Variants in DRC9 observed in about 807,000 individuals in gnomAD.
DRC9 encodes dynein regulatory complex protein 9.
At chr3:197,933,067 CAT>C in the DRC9 span, among the ~76,000 whole-genome samples, 53 of 78,074 alleles carry the variant, frequency 6.8e-4, no homozygotes, top group African/African-American at 2.0e-3. Context: ...ATATATTATA[CAT>C]ATATATATAA....
At chr3:197,927,028 T>C in the DRC9 span, among the ~76,000 whole-genome samples, 37,777 of 151,974 alleles carry the variant, frequency 0.25, 5,863 homozygotes, top group African/African-American at 0.45. Context: ...GCCTGTGAAC[T>C]TAACTACTTT....
chr3:197,893,718 G>A, the DRC9 span, among the ~76,000 whole-genome samples: 6,263 of 148,960 alleles, frequency 0.042, 188 homozygotes, highest in Non-Finnish European at 0.064. Context: ...CATGGTAGCC[G>A]GCACCTGTAA....
At chr3:197,937,745 C>T in the DRC9 span, among the ~76,000 whole-genome samples, 4 of 151,742 alleles carry the variant, frequency 2.6e-5, no homozygotes, top group Non-Finnish European at 4.4e-5. Context: ...CCCAAAGTGC[C>T]GGGATTACAG....
At chr3:197,946,252 G>T in the DRC9 span, among the ~76,000 whole-genome samples, 1 of 151,754 alleles carries the variant, frequency 6.6e-6, no homozygotes, top group African/African-American at 2.4e-5. Flanking sequence ...TGGCTAACAC[G>T]GTGAAACCCC....
At chr3:197,925,198 G>A in the DRC9 span, among the ~76,000 whole-genome samples, 7 of 136,682 alleles carry the variant, frequency 5.1e-5, no homozygotes, top group Non-Finnish European at 1.1e-4. Context: ...GGGATATGAC[G>A]ATGGGATGAG....
the DRC9 span, chr3:197,955,819 T>A: frequency 4.7e-6 from 7 of 1,475,162 alleles, 1 homozygote; most frequent in Middle Eastern, 9.6e-4. Context: ...GCTCTTGTAT[T>A]TTTAAGTGGA....
the DRC9 span, chr3:197,913,776 G>A: frequency 8.5e-7 from 1 of 1,181,674 alleles, no homozygotes; most frequent in South Asian, 1.2e-5. Flanking sequence ...TGCCGATAGA[G>A]ATGGAGGGAA....
chr3:197,942,020 C>A, the DRC9 span, among the ~76,000 whole-genome samples: 1 of 152,110 alleles, frequency 6.6e-6, no homozygotes, highest in African/African-American at 2.4e-5. Flanking sequence ...TTACATTATA[C>A]AATTCCTGTG....
chr3:197,948,883 A>T, the DRC9 span, among the ~76,000 whole-genome samples: 3 of 152,138 alleles, frequency 2.0e-5, no homozygotes, highest in Non-Finnish European at 4.4e-5. Flanking sequence ...CTCTCATCAT[A>T]GTCACTACAG....
At chr3:197,924,353 G>A in the DRC9 span, among the ~76,000 whole-genome samples, 1 of 151,926 alleles carries the variant, frequency 6.6e-6, no homozygotes, top group African/African-American at 2.4e-5. Context: ...AGTGGACAGG[G>A]TGAGACTCCA....
At chr3:197,952,466 C>T in the DRC9 span, 2 of 152,116 alleles carry the variant, frequency 1.3e-5, no homozygotes, top group South Asian at 4.1e-4. Context: ...CGGTGCCCCG[C>T]CCCTTGTTTT....
chr3:197,922,381 T>C, the DRC9 span, among the ~76,000 whole-genome samples: 2 of 152,172 alleles, frequency 1.3e-5, no homozygotes. Flanking sequence ...TCTTTTGACA[T>C]TGCTTTGGAG....
the DRC9 span, among the ~76,000 whole-genome samples, chr3:197,936,221 A>G: frequency 6.6e-6 from 1 of 152,186 alleles, no homozygotes; most frequent in African/African-American, 2.4e-5. Context: ...TGACAGTAGT[A>G]TGTTATGATA....
the DRC9 span, among the ~76,000 whole-genome samples, chr3:197,895,671 G>A: frequency 6.6e-6 from 1 of 152,076 alleles, no homozygotes; most frequent in Non-Finnish European, 1.5e-5. Context: ...GTTTAGGTGA[G>A]TATTTAGGTA....
the DRC9 span, among the ~76,000 whole-genome samples, chr3:197,941,360 T>TC: frequency 1.2e-5 from 1 of 84,640 alleles, no homozygotes; most frequent in Non-Finnish European, 2.1e-5. Context: ...TTTCTTTCCC[T>TC]TCCTTCCTTC....
At chr3:197,904,307 T>G in the DRC9 span, among the ~76,000 whole-genome samples, 2 of 151,912 alleles carry the variant, frequency 1.3e-5, no homozygotes, top group Admixed American at 1.3e-4. Flanking sequence ...CTAGCAAGGC[T>G]GTGGAGAAAA....
the DRC9 span, chr3:197,950,475 C>T: frequency 9.1e-6 from 4 of 437,804 alleles, no homozygotes; most frequent in Non-Finnish European, 1.4e-5. Flanking sequence ...TGTTTTTGTT[C>T]GTGTGCAGTT....
chr3:197,944,030 G>A, the DRC9 span: 3 of 1,613,828 alleles, frequency 1.9e-6, no homozygotes, highest in African/African-American at 1.3e-5. Context: ...TTGGAGGAAG[G>A]TTTGAGTCTT....
chr3:197,947,179 G>C, the DRC9 span, among the ~76,000 whole-genome samples: 2 of 151,980 alleles, frequency 1.3e-5, no homozygotes, highest in African/African-American at 4.8e-5. Context: ...TTGTTTCCTT[G>C]TTTTCTTTTT....
Sources: gnomAD v4.1 joint callset for allele counts (sites outside exome capture counted in the v4.1 genomes callset) on GRCh38, gnomAD v4.1.1 for gene constraint, MANE v1.5 for transcripts, NCBI Gene and HGNC (gene_info 2026-07-23, HGNC 2026-07-21) for gene names.